The following NAV2 variants were observed in gnomAD, a reference collection of about 807,000 sequenced individuals.
NAV2 encodes neuron navigator 2, also known as helicase, APC down-regulated 1.
In NAV2, 54 loss-of-function variants were observed where a neutral mutation model predicts 223.2. That is an observed-to-expected ratio of 0.24 (90% CI 0.19 to 0.30). The LOEUF is 0.30. Ranked by LOEUF, NAV2 falls within the 10% of genes least tolerant of loss-of-function variation. The probability of loss-of-function intolerance (pLI) is 1.00; values close to 1 mark genes in which losing one functional copy is unlikely to be tolerated. For missense variants in NAV2, 2,806 were observed against 3,147.5 expected (o/e 0.89, Z 2.60); for synonymous variants, 1,279 against 1,239.3 (o/e 1.03, Z -0.67).
chr11:19,849,438 A>C (rs563990639), intron 3 of NAV2, among the ~76,000 whole-genome samples: 2 of 152,238 alleles, frequency 1.3e-5, no homozygotes, highest in African/African-American at 4.8e-5. Context: ...AAGCTGAAAC[A>C]GGGGCAGGTG....
At chr11:19,406,016 G>C (rs1448941487) in intron 1 of NAV2, among the ~76,000 whole-genome samples, 1 of 152,156 alleles carries the variant, frequency 6.6e-6, no homozygotes, top group Non-Finnish European at 1.5e-5. Flanking sequence ...GGAAGGGAGG[G>C]ATAATGTAAT....
chr11:19,689,953 C>G (rs768333991), intron 1 of NAV2, among the ~76,000 whole-genome samples: 1 of 152,172 alleles, frequency 6.6e-6, no homozygotes, highest in Non-Finnish European at 1.5e-5. Flanking sequence ...TGACTTGATT[C>G]ATTTACATCT....
intron 1 of NAV2, among the ~76,000 whole-genome samples, chr11:19,545,417 GA>G (rs746077666): frequency 3.3e-5 from 5 of 152,056 alleles, no homozygotes; most frequent in Non-Finnish European, 5.9e-5. Flanking sequence ...CTTCCTGTGG[GA>G]AGACTGCCAG....
intron 1 of NAV2, among the ~76,000 whole-genome samples, chr11:19,647,585 C>A (rs977757694): frequency 4.6e-5 from 7 of 152,112 alleles, no homozygotes; most frequent in African/African-American, 1.4e-4. Context: ...CTGCAGCAAG[C>A]AGATGGGAGT....
chr11:19,374,072 A>C (rs1019413931), intron 1 of NAV2, among the ~76,000 whole-genome samples: 50 of 152,206 alleles, frequency 3.3e-4, no homozygotes, highest in African/African-American at 1.2e-3. Flanking sequence ...CAGTATGTAC[A>C]TTTTATAGCA....
chr11:19,931,338 C>A (rs1222494742), intron 6 of NAV2, among the ~76,000 whole-genome samples: 1 of 152,152 alleles, frequency 6.6e-6, no homozygotes, highest in African/African-American at 2.4e-5. Flanking sequence ...AAACCCAAAT[C>A]CCCAGTAAGT....
chr11:19,623,877 G>A (rs2047083243), intron 1 of NAV2, among the ~76,000 whole-genome samples: 1 of 152,128 alleles, frequency 6.6e-6, no homozygotes, highest in African/African-American at 2.4e-5. Context: ...TTCTGCTCTG[G>A]TTTCTCCCCA....
At chr11:19,927,106 A>G (rs1256232523) in intron 6 of NAV2, among the ~76,000 whole-genome samples, 2 of 152,168 alleles carry the variant, frequency 1.3e-5, no homozygotes, top group Admixed American at 6.5e-5. Flanking sequence ...GAGGATTAAT[A>G]CTCTCTCTAA....
chr11:19,674,222 G>A (rs1386770931), intron 1 of NAV2, among the ~76,000 whole-genome samples: 1 of 152,206 alleles, frequency 6.6e-6, no homozygotes, highest in Non-Finnish European at 1.5e-5. Context: ...TCCCTGAGCT[G>A]CCTGGAAACT....
chr11:20,008,999 A>G (rs1046198198), intron 11 of NAV2, among the ~76,000 whole-genome samples: 1 of 152,210 alleles, frequency 6.6e-6, no homozygotes, highest in Non-Finnish European at 1.5e-5. Context: ...ATCGTGTTCA[A>G]CCATCACTTC....
intron 1 of NAV2, among the ~76,000 whole-genome samples, chr11:19,521,030 A>G (rs2043635670): frequency 6.6e-6 from 1 of 152,178 alleles, no homozygotes; most frequent in Non-Finnish European, 1.5e-5. Context: ...GCGCCTGCCT[A>G]TCTGGTTTAT....
At position 19,513,505 on chromosome 11, in the gene NAV2, G is replaced by A. The variant is rs118077460; in HGVS notation, c.75+162478G>A. On this transcript the variant is annotated intron_variant, in intron 1 of 37. Coordinates refer to the NAV2 transcript ENST00000360655. ...AGAGTGGTGTCCTGGGCCAGGGTGT[G>A]GCCTAAGGGGATCTAGTGGTGTAGA... 6.7e-4 allele frequency among the ~76,000 whole-genome samples: 102 copies of A among 152,274 alleles called. No individual in the cohort carries two copies. The East Asian group carries it at 0.019, about 29-fold the overall frequency.
intron 1 of NAV2, among the ~76,000 whole-genome samples, chr11:19,821,213 G>C (rs1333011563): frequency 6.8e-6 from 1 of 147,842 alleles, no homozygotes; most frequent in African/African-American, 2.5e-5. Flanking sequence ...AGTGAGCCGA[G>C]ATTGCGCCAC....
intron 3 of NAV2, among the ~76,000 whole-genome samples, chr11:19,857,997 C>CA (rs1158201666): frequency 6.6e-6 from 1 of 152,206 alleles, no homozygotes; most frequent in African/African-American, 2.4e-5. Flanking sequence ...GCTGGGACTA[C>CA]AGGCACCCGC....
At chr11:20,000,023 C>G (rs1045161528) in intron 11 of NAV2, among the ~76,000 whole-genome samples, 6 of 152,206 alleles carry the variant, frequency 3.9e-5, no homozygotes, top group Admixed American at 6.5e-5. Flanking sequence ...GGTGCAGTGT[C>G]CCCTTCTCTT....
intron 1 of NAV2, among the ~76,000 whole-genome samples, chr11:19,767,046 G>A (rs1395832915): frequency 2.0e-5 from 3 of 152,176 alleles, no homozygotes; most frequent in South Asian, 4.1e-4. Flanking sequence ...GGACTGGGTA[G>A]TGAGCCAGGC....
chr11:19,422,412 C>A (rs1757807726), intron 1 of NAV2, among the ~76,000 whole-genome samples: 2 of 152,120 alleles, frequency 1.3e-5, no homozygotes, highest in African/African-American at 4.8e-5. Context: ...GTAGGGAGAC[C>A]CCCACGGCCC....
At chr11:20,027,131 A>G (rs1304925765) in intron 11 of NAV2, 1 of 310,476 alleles carries the variant, frequency 3.2e-6, no homozygotes, top group African/African-American at 2.3e-5. Flanking sequence ...GGCCCCAGCA[A>G]TAGTTAGAGG....
At chr11:19,949,160 A>C (rs1450856969) in intron 10 of NAV2, 80 bp downstream of exon 10, 4 of 1,456,684 alleles carry the variant, frequency 2.7e-6, no homozygotes, top group Non-Finnish European at 3.6e-6. Flanking sequence ...GCTCTATTTG[A>C]TTCTTCTGGA....
Sources: allele counts gnomAD v4.1 joint callset (sites outside exome capture counted in the v4.1 genomes callset), GRCh38; gene constraint gnomAD v4.1.1; transcripts MANE v1.5; gene names NCBI Gene and HGNC (gene_info 2026-07-23, HGNC 2026-07-21).